NOS1AP: variants seen among roughly 807,000 people sequenced by gnomAD.
NOS1AP encodes nitric oxide synthase 1 adaptor protein.
Under a neutral mutation model 56.2 loss-of-function variants are expected in NOS1AP, and 21 were observed. That is an observed-to-expected ratio of 0.37 (90% CI 0.26 to 0.54). The LOEUF (loss-of-function observed/expected upper bound fraction) is 0.54, where lower values mean the gene tolerates loss of function less well. NOS1AP is among the 20% of genes least tolerant of loss of function. NOS1AP has a pLI of 0.84. For synonymous variants in NOS1AP, 270 were observed against 274.6 expected, an observed-to-expected ratio of 0.98 and a Z score of 0.17; for missense variants, 522 against 657.8, an observed-to-expected ratio of 0.79 and a Z score of 2.26.
chr1:162,240,244 A>AGTGTGTGTGT (rs5778260), intron 2 of NOS1AP, among the ~76,000 whole-genome samples: 3,268 of 141,246 alleles, frequency 0.023, 122 homozygotes, highest in African/African-American at 0.066. Flanking sequence ...CTGTGTGGCC[A>AGTGTGTGTGT]GTGTGTGTGT....
chr1:162,287,430 GA>G lies in NOS1AP; in HGVS notation c.269del (p.Lys90SerfsTer19). 1.2e-6 allele frequency: 2 copies of G among 1,608,984 alleles called. No individual in the cohort carries two copies. Among genetic ancestry groups the G allele is most frequent in the Non-Finnish European group, 1.7e-6 (2 of 1,175,332 alleles). On this transcript the variant is annotated frameshift_variant, in exon 3 of 10. Transcript: ENST00000361897. LOFTEE classifies it high-confidence loss of function. ...DGVKVILKKK[K>X]KLLLLQKKEW... Reference sequence around the variant, plus strand: ...GAGTGAAAGTGATTCTGAAGAAGAAGAAAAAGGTAAGTGGCTCTGAACCAGA... The same window carrying G: ...GAGTGAAAGTGATTCTGAAGAAGAAGAAAAGGTAAGTGGCTCTGAACCAGA...
intron 1 of NOS1AP, among the ~76,000 whole-genome samples, chr1:162,116,927 G>A (rs1346146856): frequency 2.6e-5 from 4 of 152,134 alleles, no homozygotes; most frequent in African/African-American, 7.2e-5. Flanking sequence ...GCTTTTTGGG[G>A]GGGCTGGAGG....
intron 1 of NOS1AP, among the ~76,000 whole-genome samples, chr1:162,116,621 G>A (rs554735468): frequency 9.2e-5 from 14 of 152,302 alleles, no homozygotes; most frequent in African/African-American, 3.4e-4. Context: ...GACAACTGTG[G>A]ATGCAGTGAG....
At chr1:162,105,835 T>G (rs1048602355) in intron 1 of NOS1AP, among the ~76,000 whole-genome samples, 1 of 152,202 alleles carries the variant, frequency 6.6e-6, no homozygotes, top group African/African-American at 2.4e-5. Context: ...TGACTCAGGA[T>G]GACTCCAGCC....
intron 1 of NOS1AP, among the ~76,000 whole-genome samples, chr1:162,093,835 G>T (rs528051757): frequency 6.6e-6 from 1 of 152,308 alleles, no homozygotes; most frequent in South Asian, 2.1e-4. Flanking sequence ...TTACAGGCAT[G>T]AGCCACTGTG....
At chr1:162,172,994 T>G (rs1267303826) in intron 2 of NOS1AP, among the ~76,000 whole-genome samples, 2 of 151,766 alleles carry the variant, frequency 1.3e-5, no homozygotes, top group Admixed American at 1.3e-4. Flanking sequence ...CAATCTTGGC[T>G]CATTGCAACC....
intron 2 of NOS1AP, among the ~76,000 whole-genome samples, chr1:162,251,290 C>G (rs186264402): frequency 4.5e-4 from 68 of 152,288 alleles, no homozygotes; most frequent in Middle Eastern, 3.4e-3. Context: ...CCTGCTGTCT[C>G]TGTCACATCT....
At position 162,367,015 on chromosome 1, in the gene NOS1AP, A is replaced by G; in HGVS notation, c.1106-37A>G. 4.3e-6 allele frequency: 7 copies of G among 1,612,980 alleles called. No homozygotes were observed. Among genetic ancestry groups the G allele is most frequent in the Non-Finnish European group, 5.1e-6 (6 of 1,179,548 alleles). On this transcript the variant is annotated intron_variant, in intron 9 of 9. Coordinates refer to ENST00000361897, the MANE Select transcript of NOS1AP (RefSeq NM_014697.3). The surrounding 1 kb of genome is among the most constrained non-coding windows in gnomAD (Gnocchi z 6.5). ...GCATCCCAAATCAACAACCTTGCCT[A>G]ACGCTGCCCCTCTGCTACCTCTTGT... is the stretch of plus-strand genomic sequence containing the variant.
At chr1:162,255,490 ATTTTTTTTTTTTTTTTTTTTTT>A (rs35637289) in intron 2 of NOS1AP, among the ~76,000 whole-genome samples, 3 of 60,974 alleles carry the variant, frequency 4.9e-5, no homozygotes, top group East Asian at 4.1e-4. Flanking sequence ...GCTGCTGCTG[ATTTTTTTTTTTTTTTTTTTTTT>A]TTTTTTTTTT....
chr1:162,182,375 T>A (rs1651292107), intron 2 of NOS1AP, among the ~76,000 whole-genome samples: 1 of 152,164 alleles, frequency 6.6e-6, no homozygotes, highest in South Asian at 2.1e-4. Flanking sequence ...CACACAAATA[T>A]TTTGGTTCCA....
At chr1:162,204,495 C>T (rs1343344544) in intron 2 of NOS1AP, among the ~76,000 whole-genome samples, 1 of 152,166 alleles carries the variant, frequency 6.6e-6, no homozygotes, top group African/African-American at 2.4e-5. Context: ...CACCTTGCTG[C>T]CTAAGTGCAG....
At chr1:162,304,802 G>GTA (rs1376274797) in intron 4 of NOS1AP, among the ~76,000 whole-genome samples, 2 of 151,702 alleles carry the variant, frequency 1.3e-5, no homozygotes, top group Admixed American at 1.3e-4. Context: ...GTGTGTGTGT[G>GTA]TGTGTGTGTA....
chr1:162,238,262 G>C (rs895067956), intron 2 of NOS1AP, among the ~76,000 whole-genome samples: 2 of 152,058 alleles, frequency 1.3e-5, no homozygotes, highest in Non-Finnish European at 2.9e-5. Flanking sequence ...TTGGAGCATG[G>C]ATGGGTTCCA....
At chr1:162,222,263 A>G (rs1191260245) in intron 2 of NOS1AP, among the ~76,000 whole-genome samples, 2 of 152,254 alleles carry the variant, frequency 1.3e-5, no homozygotes, top group Non-Finnish European at 2.9e-5. Context: ...GTTATTGAGC[A>G]TGGCAGTATA....
At chr1:162,213,290 C>T (rs1370157341) in intron 2 of NOS1AP, among the ~76,000 whole-genome samples, 1 of 152,214 alleles carries the variant, frequency 6.6e-6, no homozygotes, top group Non-Finnish European at 1.5e-5. Flanking sequence ...TATTTCCTGT[C>T]TGAGACCCTT....
intron 5 of NOS1AP, among the ~76,000 whole-genome samples, chr1:162,334,610 T>G (rs1199538541): frequency 6.6e-6 from 1 of 152,216 alleles, no homozygotes; most frequent in Non-Finnish European, 1.5e-5. Context: ...AACAAAAGAC[T>G]GGAATTCCCT....
chr1:162,334,129 T>C (rs978397450), intron 5 of NOS1AP, among the ~76,000 whole-genome samples: 1 of 152,212 alleles, frequency 6.6e-6, no homozygotes, highest in Admixed American at 6.5e-5. Flanking sequence ...CAATAACACA[T>C]GCCAGGGTCC....
At chr1:162,161,776 C>T (rs1485890680) in intron 2 of NOS1AP, among the ~76,000 whole-genome samples, 5 of 152,112 alleles carry the variant, frequency 3.3e-5, no homozygotes, top group African/African-American at 4.8e-5. Flanking sequence ...GATGGGGTCT[C>T]CCTATGTTGC....
At position 162,368,001 on chromosome 1, in the gene NOS1AP, T is replaced by C. The variant is rs1292233658; in HGVS notation, c.*534T>C. 2.6e-5 allele frequency: 4 copies of C among 155,526 alleles called. No individual in the cohort carries two copies. The highest frequency in any genetic ancestry group is 9.7e-5 in the African/African-American group (4 of 41,418). The allele number at this position is 155,526 out of a possible 1,614,324, so 9.6% of individuals were successfully genotyped here. On this transcript the variant is annotated 3_prime_UTR_variant, in exon 10 of 10. Coordinates refer to ENST00000361897, the MANE Select transcript of NOS1AP (RefSeq NM_014697.3). ...CCTTGCTGAGATTGTAGAGATTGAG[T>C]GCTCTGGACCGCAAAAGCCAGGCTA...
Sources: gnomAD v4.1 joint callset for allele counts (sites outside exome capture counted in the v4.1 genomes callset) on GRCh38, gnomAD v4.1.1 for gene constraint, Gnocchi (gnomAD v3.1) non-coding constraint, MANE v1.5 for transcripts, NCBI Gene and HGNC (gene_info 2026-07-23, HGNC 2026-07-21) for gene names.